The following MED13L variants were observed in gnomAD, a reference collection of about 807,000 sequenced individuals.
MED13L encodes the protein mediator of RNA polymerase II transcription subunit 13-like.
In MED13L, 7 loss-of-function variants were observed where a neutral mutation model predicts 220.9. The ratio of observed to expected loss-of-function variants is 0.03; its 90% CI spans 0.02 to 0.06. The LOEUF is 0.06. Ranked by LOEUF, MED13L falls within the 10% of genes least tolerant of loss-of-function variation. The pLI, the probability that MED13L is intolerant of heterozygous loss-of-function variation, is 1.00. For synonymous variants in MED13L, 1,011 were observed against 1,015.2 expected (o/e 1.00, Z 0.08); for missense variants, 1,965 against 2,760.5 (o/e 0.71, Z 6.46).
chr12:116,117,326 G>A (rs1874616235), intron 2 of MED13L, among the ~76,000 whole-genome samples: 2 of 152,158 alleles, frequency 1.3e-5, no homozygotes, highest in Admixed American at 6.5e-5. Context: ...AATTTGAGGG[G>A]TGATGCCCCC....
intron 12 of MED13L, 67 bp downstream of exon 12, chr12:116,006,239 G>T: frequency 1.4e-6 from 2 of 1,416,082 alleles, no homozygotes; most frequent in South Asian, 2.3e-5. Context: ...ATTTTACATT[G>T]AGAAGCATCT....
chr12:115,972,225 G>C lies in MED13L; in HGVS notation c.5743C>G (p.Leu1915Val), dbSNP rs1329840733. The change falls in exon 26 of 31, where the codon CTC becomes GTC. Residue 1915 changes from leucine to valine, a missense_variant. Physicochemically the swap from Leu to Val is conservative, Grantham distance 32. This residue lies in a region of MED13L where 23 missense variants were observed against 67.1 expected (regional missense o/e 0.34). Transcript: ENST00000281928. ...GTCTGTAGTGAACATTCTCCAAGGA[G>C]GATACTCCAATCTGAAATCAAATAT... ...GHGELKDWSI[L>V]LGECSLQTIS... The C allele has an allele frequency of 6.2e-7, 1 of 1,613,434 alleles. No homozygotes were observed. The highest frequency in any genetic ancestry group is 8.5e-7 in the Non-Finnish European group (1 of 1,179,846).
Position 116,008,394 on chromosome 12 carries a change from G to T in MED13L, c.2012+7C>A, listed in dbSNP as rs1879186166. The T allele has an allele frequency of 1.2e-6, 2 of 1,606,138 alleles. No homozygotes were observed. Among genetic ancestry groups the T allele is most frequent in the East Asian group, 4.5e-5 (2 of 44,754 alleles). ...GGACGGGTGGGTGGTGCAGAGAGCT[G>T]TCTTACCTTTGCAATGCAGTGCTCT... On this transcript the variant is annotated splice_region_variant and intron_variant, in intron 10 of 30. Coordinates refer to ENST00000281928, the MANE Select transcript of MED13L (RefSeq NM_015335.5).
intron 2 of MED13L, among the ~76,000 whole-genome samples, chr12:116,155,692 G>A (rs903309063): frequency 2.6e-5 from 4 of 151,954 alleles, no homozygotes; most frequent in Non-Finnish European, 5.9e-5. Flanking sequence ...AACAAAGAAT[G>A]TATGGTTCAC....
intron 2 of MED13L, chr12:116,169,221 T>C (rs2138174920): frequency 6.5e-6 from 1 of 153,298 alleles, no homozygotes; most frequent in East Asian, 1.9e-4. Flanking sequence ...ATGGTGGTAA[T>C]ACAGGCAAAC....
chr12:116,256,122 T>G (rs1207788465), intron 1 of MED13L, among the ~76,000 whole-genome samples: 1 of 152,188 alleles, frequency 6.6e-6, no homozygotes, highest in South Asian at 2.1e-4. Context: ...TCATGGGATA[T>G]TAAATGATAC....
chr12:116,109,076 TTTTTTTTTTTTG>T (rs1450395088), intron 3 of MED13L, among the ~76,000 whole-genome samples: 2 of 72,854 alleles, frequency 2.7e-5, no homozygotes, highest in East Asian at 9.3e-4. Context: ...TTTTTTTTTT[TTTTTTTTTTTTG>T]GAAACAGGGT....
At chr12:116,145,429 C>T (rs918026638) in intron 2 of MED13L, among the ~76,000 whole-genome samples, 15 of 152,166 alleles carry the variant, frequency 9.9e-5, no homozygotes, top group African/African-American at 3.6e-4. Context: ...AAATTCTAGG[C>T]TTTCCTGCTT....
rs138327284 is a variant in MED13L, at chr12:116,204,825, A to C, written c.310+32643T>G. 6.6e-5 allele frequency among the ~76,000 whole-genome samples: 10 copies of C among 152,344 alleles called. No homozygotes were observed. In the East Asian group the frequency reaches 1.7e-3, roughly 26 times the overall value. Reference sequence around the variant, plus strand: ...TATTATTATCTTATTTTCTTAAGCTAACCTGGCCAGAGTTTTCAGAATTGG... The same window carrying C: ...TATTATTATCTTATTTTCTTAAGCTCACCTGGCCAGAGTTTTCAGAATTGG... On this transcript the variant is annotated intron_variant, in intron 2 of 30. Transcript: ENST00000281928.
chr12:116,095,006 T>C (rs1483850034), intron 4 of MED13L, among the ~76,000 whole-genome samples: 7 of 151,752 alleles, frequency 4.6e-5, no homozygotes, highest in Non-Finnish European at 7.4e-5. Flanking sequence ...TACAAAAAAT[T>C]TAAAAATGAG....
In MED13L at chr12:115,966,196, C is replaced by T; in HGVS notation, c.6273G>A (p.Lys2091=). Residue 2091 remains lysine (K), a synonymous_variant, in exon 29 of 31, where the codon AAG becomes AAA. Coordinates refer to ENST00000281928, the MANE Select transcript of MED13L (RefSeq NM_015335.5). ...AATACCCAAGGGCCAGGGGCTGCTG[C>T]TTTAGCTCCTCTGGTGCTTCTCTAG... ...LLSREAPEEL[K]QQPLALGYFV... is the part of the protein sequence containing the mutation. 1.2e-6 allele frequency: 2 copies of T among 1,614,138 alleles called. No homozygotes were observed. Among genetic ancestry groups the T allele is most frequent in the South Asian group, 2.2e-5 (2 of 91,084 alleles).
intron 2 of MED13L, among the ~76,000 whole-genome samples, chr12:116,224,456 A>G (rs758689123): frequency 2.0e-5 from 3 of 152,152 alleles, no homozygotes; most frequent in Non-Finnish European, 4.4e-5. Context: ...CCCACATAGG[A>G]GACTTTACTT....
At chr12:116,057,111 G>A (rs1462195610) in intron 4 of MED13L, among the ~76,000 whole-genome samples, 1 of 152,182 alleles carries the variant, frequency 6.6e-6, no homozygotes, top group Non-Finnish European at 1.5e-5. Context: ...CCGAATCCCT[G>A]AAGAAAGCTA....
chr12:116,193,177 A>G (rs1881391724), intron 2 of MED13L, among the ~76,000 whole-genome samples: 1 of 151,986 alleles, frequency 6.6e-6, no homozygotes, highest in South Asian at 2.1e-4. Flanking sequence ...CAGGCATGGT[A>G]GCTCACTCCT....
intron 16 of MED13L, among the ~76,000 whole-genome samples, chr12:115,994,170 G>A (rs745640917): frequency 2.1e-4 from 32 of 152,208 alleles, no homozygotes; most frequent in Non-Finnish European, 3.4e-4. Context: ...TACATGCCAG[G>A]TGCAGTAGCT....
intron 2 of MED13L, among the ~76,000 whole-genome samples, chr12:116,170,738 T>C (rs560548366): frequency 8.6e-5 from 13 of 151,990 alleles, no homozygotes; most frequent in Non-Finnish European, 1.8e-4. Flanking sequence ...GTAGCTGGGA[T>C]TACAGGTGCC....
intron 3 of MED13L, among the ~76,000 whole-genome samples, chr12:116,103,879 T>C (rs1203833317): frequency 6.6e-6 from 1 of 152,160 alleles, no homozygotes; most frequent in African/African-American, 2.4e-5. Context: ...GTTATCACAT[T>C]ATACCCAACG....
rs201576613 is a variant in MED13L at position 116,031,759 on chromosome 12, AGAAGGAAGGAAG to A, written c.480-9170_480-9159del. 2.2e-4 allele frequency among the ~76,000 whole-genome samples: 9 copies of A among 40,984 alleles called. 1 individual carries two copies. The East Asian group carries it at 2.3e-3, about 11-fold the overall frequency. The allele number at this position is 40,984 out of a possible 152,430, so 26.9% of individuals were successfully genotyped here. A position where few individuals can be genotyped will look rare whatever the true frequency, so the allele number is the denominator to read the frequency against. ...AGAAAAGAAAAGAAAAGAAAAGAAA[AGAAGGAAGGAAG>A]GAAGGAAGGAAGGAAGGAAGGAAGG... On this transcript the variant is annotated intron_variant, in intron 4 of 30. Transcript: ENST00000281928.
chr12:116,119,247 C>T (rs1373446804), intron 2 of MED13L, among the ~76,000 whole-genome samples: 2 of 152,162 alleles, frequency 1.3e-5, no homozygotes, highest in African/African-American at 4.8e-5. Flanking sequence ...CTGGTCGACA[C>T]CTTTGACTCT....
Sources: gnomAD v4.1 joint callset for allele counts (sites outside exome capture counted in the v4.1 genomes callset) on GRCh38, gnomAD v4.1.1 for gene constraint, gnomAD v4.1.1 regional missense constraint, MANE v1.5 for transcripts, NCBI Gene and HGNC (gene_info 2026-07-23, HGNC 2026-07-21) for gene names.